Variants in CIZ1 observed in about 807,000 individuals in gnomAD.
CIZ1 encodes cip1-interacting zinc finger protein.
A neutral mutation model predicts 118.6 loss-of-function variants in CIZ1; 58 were observed. The ratio of observed to expected loss-of-function variants is 0.49; its 90% CI spans 0.40 to 0.61. CIZ1 has a LOEUF of 0.61. Ranked by LOEUF, CIZ1 falls within the 20% of genes least tolerant of loss-of-function variation. The pLI is 0.00. For synonymous variants in CIZ1, 448 were observed against 443.4 expected, an observed-to-expected ratio of 1.01 and a Z score of -0.13; for missense variants, 921 against 1,115.9, an observed-to-expected ratio of 0.83 and a Z score of 2.49.
chr9:128,193,584 G>A (rs909287533), upstream of CIZ1, among the ~76,000 whole-genome samples: 1 of 152,172 alleles, frequency 6.6e-6, no homozygotes, highest in Non-Finnish European at 1.5e-5. Flanking sequence ...TGTGGTGGCG[G>A]GCGCCTGTAA....
rs1376563853 is a variant in CIZ1 at position 128,175,940 on chromosome 9, G to GATT, written c.1943+408_1943+410dup. ...AGACCCCAGGAGGGCTGAAGTTTCT[G>GATT]ATTAAACAGGCTCCCATGACAATGA... On this transcript the variant is annotated intron_variant, in intron 11 of 16. Coordinates refer to ENST00000372938, the MANE Select transcript of CIZ1 (RefSeq NM_001131016.2). Among the ~76,000 whole-genome samples the GATT allele has an allele frequency of 5.9e-5, 9 of 152,240 alleles. No individual in the cohort carries two copies. The East Asian group carries it at 1.7e-3, about 29-fold the overall frequency.
At chr9:128,199,477 G>T (rs533412391) in intron 1 of CIZ1, among the ~76,000 whole-genome samples, 115 of 152,212 alleles carry the variant, frequency 7.6e-4, no homozygotes, top group Non-Finnish European at 1.3e-3. Flanking sequence ...AAAACAGTAG[G>T]ATCACTTGAA....
At chr9:128,201,338 T>A (rs1833509337) in intron 1 of CIZ1, among the ~76,000 whole-genome samples, 1 of 151,890 alleles carries the variant, frequency 6.6e-6, no homozygotes, top group Non-Finnish European at 1.5e-5. Context: ...TAGTCCCAGC[T>A]ACTCGGGAGG....
At position 128,170,083 on chromosome 9, in the gene CIZ1, G is replaced by A. The variant is rs201663529; in HGVS notation, c.1968C>T (p.Cys656=). Residue 656 remains cysteine, a synonymous_variant, in exon 12 of 17, where the codon TGC becomes TGT. Coordinates refer to ENST00000372938, the MANE Select transcript of CIZ1 (RefSeq NM_001131016.2). The part of the protein sequence containing the change: ...EDEEPPPRRW[C]NTCQLYYMGD... ...CCATGTAGTAGAGCTGGCAGGTGTT[G>A]CACCAGCGCCTTGGTGGAGGCTCCC... The A allele has an allele frequency of 4.3e-6, 7 of 1,612,786 alleles. No homozygotes were observed. The highest frequency in any genetic ancestry group is 5.1e-6 in the Non-Finnish European group (6 of 1,179,538).
In CIZ1 at chr9:128,203,406, A is replaced by C; in HGVS notation, c.-6+780T>G. 7.4e-7 allele frequency: 1 copy of C among 1,343,158 alleles called. No homozygotes were observed. The highest frequency in any genetic ancestry group is 9.6e-7 in the Non-Finnish European group (1 of 1,045,928). The allele number at this position is 1,343,158 out of a possible 1,614,324, so 83.2% of individuals were successfully genotyped here. On this transcript the variant is annotated intron_variant, in intron 1 of 17. Coordinates refer to the CIZ1 transcript ENST00000372948. This position sits in a 1 kb window ranked among gnomAD's most constrained non-coding sequence, Gnocchi z 5.3. Reference sequence around the variant, plus strand: ...TCTGGGCGCGCGGCTGCAGCGGCGGAGCCGGAGTCGGAGCCGGGAGCGCTA... The same window carrying C: ...TCTGGGCGCGCGGCTGCAGCGGCGGCGCCGGAGTCGGAGCCGGGAGCGCTA...
chr9:128,184,489 A>AG (rs758035893), intron 5 of CIZ1, among the ~76,000 whole-genome samples: 5 of 112,126 alleles, frequency 4.5e-5, no homozygotes, highest in Admixed American at 2.1e-4. Flanking sequence ...GGCAGTGCTG[A>AG]TTTTTTTTTT....
At chr9:128,169,261 T>TGG in intron 13 of CIZ1, 60 bp from the exon 14 acceptor site, 1 of 1,099,810 alleles carries the variant, frequency 9.1e-7, no homozygotes, top group Non-Finnish European at 1.3e-6. Context: ...GGCCATGCCC[T>TGG]ACCCACCCCA....
In CIZ1 at chr9:128,179,224, G is replaced by A. The variant is rs200687531; in HGVS notation, c.983C>T (p.Pro328Leu). ...CTGGGTGTCTGTGGATGGTATCCGC[G>A]GCTGAGTCTGTGACTGCACCTGGGC... ...VQAQVQSQTQ[P>L]RIPSTDTQVQ... is the part of the protein sequence containing the mutation. Residue 328 changes from proline to leucine, a missense_variant, in exon 8 of 17, where the codon CCG (proline) becomes CTG (leucine). Physicochemically the swap from Pro to Leu is moderately conservative, Grantham distance 98. Transcript: ENST00000372938. 4.0e-5 allele frequency: 65 copies of A among 1,614,032 alleles called. No homozygotes were observed. Among genetic ancestry groups the A allele is most frequent in the East Asian group, 3.3e-4 (15 of 44,882 alleles).
chr9:128,169,987 G>T, intron 12 of CIZ1, 33 bp downstream of exon 12: 1 of 1,581,646 alleles, frequency 6.3e-7, no homozygotes, highest in South Asian at 1.1e-5. Context: ...AGACGGCAGT[G>T]CGGGTGCCTC....
intron 11 of CIZ1, among the ~76,000 whole-genome samples, chr9:128,173,380 C>T (rs1830399999): frequency 6.6e-6 from 1 of 151,774 alleles, no homozygotes; most frequent in African/African-American, 2.4e-5. Context: ...CTCCTGACCT[C>T]ATGATCCACC....
chr9:128,176,283 T>TA (rs1651666146), intron 11 of CIZ1, 68 bp downstream of exon 11: 2 of 1,576,516 alleles, frequency 1.3e-6, no homozygotes, highest in Admixed American at 3.5e-5. Flanking sequence ...CTGCAGATGG[T>TA]AGATTCAGGC....
intron 11 of CIZ1, among the ~76,000 whole-genome samples, chr9:128,172,613 G>C (rs893152683): frequency 2.0e-5 from 3 of 152,190 alleles, no homozygotes; most frequent in African/African-American, 7.2e-5. Flanking sequence ...CCCTGTAAGA[G>C]CTCTGCTGGG....
rs1829382934 is a variant in CIZ1, at chr9:128,166,138, T to C, written c.*59A>G. 1 of 1,181,788 alleles carries C rather than the reference T, an allele frequency of 8.5e-7. No homozygotes were observed. The highest frequency in any genetic ancestry group is 1.6e-5 in the African/African-American group (1 of 64,394). 73.2% of individuals were successfully genotyped at this position (1,181,788 alleles called of 1,614,324 possible). A position where few individuals can be genotyped will look rare whatever the true frequency, so the allele number is the denominator to read the frequency against. Reference sequence around the variant, plus strand: ...ACCATGTCAAAGTTTCCAGGCAGACTCCTAAAAAGCATTAGCAGATCTGGA... The same window carrying C: ...ACCATGTCAAAGTTTCCAGGCAGACCCCTAAAAAGCATTAGCAGATCTGGA... On this transcript the variant is annotated 3_prime_UTR_variant, in exon 17 of 17. Coordinates refer to ENST00000372938, the MANE Select transcript of CIZ1 (RefSeq NM_001131016.2). This position sits in a 1 kb window ranked among gnomAD's most constrained non-coding sequence, Gnocchi z 4.4.
upstream of CIZ1, among the ~76,000 whole-genome samples, chr9:128,192,933 G>A (rs1833258821): frequency 1.3e-5 from 2 of 152,210 alleles, no homozygotes; most frequent in Admixed American, 1.3e-4. Context: ...CCGCGCCGAC[G>A]TTGGGCGGGC....
rs1245923318 is a variant in CIZ1 at position 128,170,066 on chromosome 9, T to G, written c.1985A>C (p.Tyr662Ser). The change falls in exon 12 of 17, where the codon TAC (tyrosine) becomes TCC (serine). Residue 662 changes from tyrosine to serine, a missense_variant. Tyr to Ser is a moderately radical substitution (Grantham distance 144). Transcript: ENST00000372938. ...PRRWCNTCQL[Y>S]YMGDLIQHRR... ...GTGTTGGATCAGGTCCCCCATGTAG[T>G]AGAGCTGGCAGGTGTTGCACCAGCG... The G allele has an allele frequency of 1.2e-6, 2 of 1,613,984 alleles. No individual in the cohort carries two copies. Among genetic ancestry groups the G allele is most frequent in the African/African-American group, 2.7e-5 (2 of 74,936 alleles).
At chr9:128,169,374 G>C (rs1829849008) in intron 13 of CIZ1, 32 bp downstream of exon 13, 1 of 1,572,728 alleles carries the variant, frequency 6.4e-7, no homozygotes, top group Non-Finnish European at 8.7e-7. Context: ...GTACCTCTCT[G>C]GGCCCATGTC....
chr9:128,193,539 C>A (rs985317516), upstream of CIZ1, among the ~76,000 whole-genome samples: 2 of 151,922 alleles, frequency 1.3e-5, no homozygotes, highest in Non-Finnish European at 2.9e-5. Context: ...GGTAAAACTA[C>A]GTGTCTACTA....
At chr9:128,170,227 T>A in intron 11 of CIZ1, 120 bp from the exon 12 acceptor site, 1 of 844,910 alleles carries the variant, frequency 1.2e-6, no homozygotes, top group Non-Finnish European at 1.9e-6. Flanking sequence ...TTAGGGAAGC[T>A]TAACAAAATG....
rs183219269 is a variant in CIZ1 at position 128,184,047 on chromosome 9, C to T, written c.588+1500G>A. Among the ~76,000 whole-genome samples, 14 of 152,310 alleles carry T rather than the reference C, an allele frequency of 9.2e-5. No homozygotes were observed. The East Asian group carries it at 1.2e-3, about 13-fold the overall frequency. The stretch of plus-strand genomic sequence containing the variant: ...CCTCCCAAAGTGTTGGGATTACAGG[C>T]GTGAGCCACTGCACCCAGCAATTTC... On this transcript the variant is annotated intron_variant, in intron 5 of 16. Transcript: ENST00000372938.
Sources: allele counts gnomAD v4.1 joint callset (sites outside exome capture counted in the v4.1 genomes callset), GRCh38; gene constraint gnomAD v4.1.1; non-coding constraint Gnocchi (gnomAD v3.1); transcripts MANE v1.5; gene names NCBI Gene and HGNC (gene_info 2026-07-23, HGNC 2026-07-21).